SNTB1: variants seen among roughly 807,000 people sequenced by gnomAD.
SNTB1 encodes the protein syntrophin beta 1.
SNTB1 carries 36 observed loss-of-function variants against 48.9 expected under a neutral mutation model. The observed-to-expected ratio is 0.74, with a 90% CI of 0.56 to 0.97. The LOEUF (loss-of-function observed/expected upper bound fraction) is 0.97, where lower values mean the gene tolerates loss of function less well. Ranked by LOEUF, SNTB1 falls within the 50% of genes least tolerant of loss-of-function variation. The pLI is 0.00. For synonymous variants in SNTB1, 299 were observed against 294.6 expected (o/e 1.01, Z -0.15); for missense variants, 786 against 703.4 (o/e 1.12, Z -1.33).
intron 2 of SNTB1, among the ~76,000 whole-genome samples, chr8:120,678,117 G>T (rs962430518): frequency 6.6e-6 from 1 of 152,098 alleles, no homozygotes; most frequent in Non-Finnish European, 1.5e-5. Context: ...GAAAGTGTGC[G>T]CATAAAGGGT....
intron 3 of SNTB1, among the ~76,000 whole-genome samples, chr8:120,617,202 T>C (rs1000350631): frequency 3.9e-5 from 6 of 152,282 alleles, no homozygotes; most frequent in Admixed American, 2.6e-4. Flanking sequence ...AGCCAAAAGA[T>C]TGGACACCCC....
chr8:120,626,622 T>C (rs1425713559), intron 3 of SNTB1, among the ~76,000 whole-genome samples: 1 of 152,172 alleles, frequency 6.6e-6, no homozygotes, highest in African/African-American at 2.4e-5. Context: ...GAACAAGCTT[T>C]TTTTTTTAAT....
At chr8:120,696,750 C>A (rs1237265081) in intron 1 of SNTB1, among the ~76,000 whole-genome samples, 3 of 152,190 alleles carry the variant, frequency 2.0e-5, no homozygotes, top group African/African-American at 7.2e-5. Context: ...CATCAGCACA[C>A]TGATGCTCAG....
At chr8:120,542,571 T>C (rs1323056784) in intron 5 of SNTB1, among the ~76,000 whole-genome samples, 1 of 152,068 alleles carries the variant, frequency 6.6e-6, no homozygotes, top group Non-Finnish European at 1.5e-5. Flanking sequence ...GGAGAATGGC[T>C]TGAACTTGGG....
chr8:120,799,319 G>T (rs1387257026), intron 1 of SNTB1, among the ~76,000 whole-genome samples: 1 of 151,958 alleles, frequency 6.6e-6, no homozygotes, highest in African/African-American at 2.4e-5. Flanking sequence ...TATCAGATAT[G>T]CATAGCACAC....
chr8:120,629,919 A>C (rs1414957872), intron 3 of SNTB1, among the ~76,000 whole-genome samples: 1 of 152,248 alleles, frequency 6.6e-6, no homozygotes, highest in East Asian at 1.9e-4. Context: ...GAGAATGTCT[A>C]ATAATATGTC....
chr8:120,624,623 TC>T (rs2130745588), intron 3 of SNTB1, among the ~76,000 whole-genome samples: 1 of 152,256 alleles, frequency 6.6e-6, no homozygotes, highest in East Asian at 1.9e-4. Context: ...AAAATTCATG[TC>T]CTCCTCACAT....
intron 2 of SNTB1, among the ~76,000 whole-genome samples, chr8:120,674,635 C>T (rs937752840): frequency 1.3e-5 from 2 of 152,116 alleles, no homozygotes; most frequent in Admixed American, 1.3e-4. Flanking sequence ...ATTCTTATAG[C>T]ATCATAGTTT....
chr8:120,636,552 T>C (rs1400054121), intron 2 of SNTB1, among the ~76,000 whole-genome samples: 2 of 145,294 alleles, frequency 1.4e-5, no homozygotes, highest in Non-Finnish European at 3.0e-5. Context: ...TTCATCCATG[T>C]CCCTACAAAG....
At chr8:120,794,970 C>T (rs1820097830) in intron 1 of SNTB1, among the ~76,000 whole-genome samples, 1 of 152,038 alleles carries the variant, frequency 6.6e-6, no homozygotes, top group African/African-American at 2.4e-5. Context: ...GAGTCTCAGA[C>T]TGGCTGAAAG....
intron 1 of SNTB1, among the ~76,000 whole-genome samples, chr8:120,725,484 C>T (rs149461531): frequency 9.4e-4 from 143 of 152,252 alleles, no homozygotes; most frequent in East Asian, 6.0e-3. Context: ...AAAGGAAGCA[C>T]GAGGTTTTAA....
At chr8:120,583,885 T>C (rs1023731123) in intron 3 of SNTB1, among the ~76,000 whole-genome samples, 1 of 152,178 alleles carries the variant, frequency 6.6e-6, no homozygotes, top group Non-Finnish European at 1.5e-5. Flanking sequence ...ATTTAAATGG[T>C]AATACATCAT....
intron 3 of SNTB1, among the ~76,000 whole-genome samples, chr8:120,581,204 A>G (rs1309403168): frequency 6.6e-6 from 1 of 152,218 alleles, no homozygotes; most frequent in Non-Finnish European, 1.5e-5. Context: ...GGCCAGAAAA[A>G]GAAGAAAAGT....
At chr8:120,631,337 T>C (rs1340948678) in intron 3 of SNTB1, among the ~76,000 whole-genome samples, 1 of 152,176 alleles carries the variant, frequency 6.6e-6, no homozygotes, top group African/African-American at 2.4e-5. Flanking sequence ...TTTCGTTCTT[T>C]GAAATCTTTG....
intron 2 of SNTB1, among the ~76,000 whole-genome samples, chr8:120,655,439 C>A (rs1399619167): frequency 6.6e-6 from 1 of 152,138 alleles, no homozygotes. Context: ...CTCATTTTAT[C>A]CTCACACCAT....
chr8:120,739,968 C>A (rs1241918574), intron 1 of SNTB1, among the ~76,000 whole-genome samples: 1 of 152,210 alleles, frequency 6.6e-6, no homozygotes, highest in Non-Finnish European at 1.5e-5. Flanking sequence ...CACAGCCATA[C>A]ATGACCCCAT....
At chr8:120,576,024 G>T (rs1343031329) in intron 3 of SNTB1, among the ~76,000 whole-genome samples, 1 of 152,124 alleles carries the variant, frequency 6.6e-6, no homozygotes, top group Non-Finnish European at 1.5e-5. Context: ...TGGGCCCTAG[G>T]ATACATCTTT....
chr8:120,549,843 T>C (rs1267285091), intron 4 of SNTB1, among the ~76,000 whole-genome samples: 3 of 152,230 alleles, frequency 2.0e-5, no homozygotes, highest in Non-Finnish European at 4.4e-5. Context: ...AGCATAAGTC[T>C]AATTTAGTAA....
chr8:120,706,873 C>T (rs1818385548), intron 1 of SNTB1, among the ~76,000 whole-genome samples: 1 of 152,134 alleles, frequency 6.6e-6, no homozygotes, highest in Non-Finnish European at 1.5e-5. Flanking sequence ...AGTCATAAAG[C>T]TTTTCCAAAG....
Sources: allele counts gnomAD v4.1 joint callset (sites outside exome capture counted in the v4.1 genomes callset), GRCh38; gene constraint gnomAD v4.1.1; transcripts MANE v1.5; gene names NCBI Gene and HGNC (gene_info 2026-07-23, HGNC 2026-07-21).